DLAT: variants seen among roughly 807,000 people sequenced by gnomAD.
DLAT encodes the protein dihydrolipoyllysine-residue acetyltransferase component of pyruvate dehydrogenase complex, mitochondrial.
DLAT carries 43 observed loss-of-function variants against 68.0 expected under a neutral mutation model. The observed-to-expected ratio is 0.63, with a 90% CI of 0.50 to 0.81. The LOEUF (loss-of-function observed/expected upper bound fraction) is 0.81, where lower values mean the gene tolerates loss of function less well. Among genes scored for constraint, DLAT ranks in the 40% least tolerant of loss-of-function variants. The probability of loss-of-function intolerance (pLI) is 0.00; values close to 1 mark genes in which losing one functional copy is unlikely to be tolerated. For synonymous variants in DLAT, 265 were observed against 288.6 expected, an observed-to-expected ratio of 0.92 and a Z score of 0.83; for missense variants, 745 against 815.4, an observed-to-expected ratio of 0.91 and a Z score of 1.05.
intron 11 of DLAT, among the ~76,000 whole-genome samples, chr11:112,053,589 A>G (rs1348481238): frequency 6.6e-6 from 1 of 151,944 alleles, no homozygotes; most frequent in Admixed American, 6.6e-5. Context: ...AGTAGCTGGG[A>G]TTACAGGCAT....
At chr11:112,030,652 C>T (rs1862342940) in intron 4 of DLAT, among the ~76,000 whole-genome samples, 1 of 152,196 alleles carries the variant, frequency 6.6e-6, no homozygotes, top group South Asian at 2.1e-4. Flanking sequence ...ATTGTGCTAA[C>T]TAAATCAGTT....
intron 11 of DLAT, among the ~76,000 whole-genome samples, chr11:112,056,542 T>C (rs1172740514): frequency 2.6e-5 from 4 of 152,238 alleles, no homozygotes; most frequent in Non-Finnish European, 4.4e-5. Flanking sequence ...TATTGCTGTA[T>C]AGTGTTTAAT....
At chr11:112,027,990 G>C (rs1862169808) in intron 2 of DLAT, among the ~76,000 whole-genome samples, 1 of 151,694 alleles carries the variant, frequency 6.6e-6, no homozygotes, top group Admixed American at 6.6e-5. Context: ...AGTTCGAAGA[G>C]ACTGGCTTTG....
intron 4 of DLAT, 138 bp downstream of exon 4, chr11:112,029,083 T>G (rs1555179727): frequency 6.3e-6 from 6 of 954,948 alleles, no homozygotes; most frequent in Non-Finnish European, 8.1e-6. Flanking sequence ...GGTTTAAACA[T>G]GAAGATTGAC....
chr11:112,051,267 G>T lies in DLAT; in HGVS notation c.1432G>T (p.Asp478Tyr). The stretch of plus-strand genomic sequence containing the variant: ...AGGGAGAAGCAAAATTTCTGTCAAT[G>T]ACTTCATCATAAAAGCTTCAGCTTT... ...LEGRSKISVN[D>Y]FIIKASALAC... Residue 478 changes from aspartate to tyrosine, a missense_variant, in exon 11 of 14, where the codon GAC (aspartate) becomes TAC (tyrosine). Transcript: ENST00000280346. The surrounding 1 kb of genome is among the most constrained non-coding windows in gnomAD (Gnocchi z 4.3). The T allele has an allele frequency of 1.2e-6, 2 of 1,613,020 alleles. No individual in the cohort carries two copies. The highest frequency in any genetic ancestry group is 2.2e-5 in the South Asian group (2 of 91,020).
intron 7 of DLAT, among the ~76,000 whole-genome samples, chr11:112,041,098 G>A (rs1196773934): frequency 1.3e-5 from 2 of 152,176 alleles, no homozygotes; most frequent in African/African-American, 4.8e-5. Flanking sequence ...CAGAAAGGGA[G>A]TATAGCATAG....
At chr11:112,046,794 A>T (rs1249329653) in intron 10 of DLAT, among the ~76,000 whole-genome samples, 1 of 150,384 alleles carries the variant, frequency 6.6e-6, no homozygotes, top group Non-Finnish European at 1.5e-5. Flanking sequence ...AAGGACACAA[A>T]CTCATCCTTT....
At chr11:112,042,280 C>A (rs1367844958) in intron 7 of DLAT, among the ~76,000 whole-genome samples, 1 of 152,164 alleles carries the variant, frequency 6.6e-6, no homozygotes, top group Non-Finnish European at 1.5e-5. Flanking sequence ...TCAGGAAATT[C>A]TTGTGGGTGG....
intron 5 of DLAT, among the ~76,000 whole-genome samples, chr11:112,034,375 C>T (rs1170038296): frequency 6.6e-6 from 1 of 151,442 alleles, no homozygotes; most frequent in African/African-American, 2.4e-5. Flanking sequence ...GTCATATGTC[C>T]ACATATCTCC....
rs868942842 is a variant in DLAT at position 112,026,232 on chromosome 11, C to A, written c.314C>A (p.Ala105Glu). 6 of 1,612,234 alleles carry A rather than the reference C, an allele frequency of 3.7e-6. No homozygotes were observed. The South Asian group carries it at 4.4e-5, about 12-fold the overall frequency. The change falls in exon 2 of 14, where the codon GCA (alanine) becomes GAA (glutamate). Residue 105 changes from alanine to glutamate, a missense_variant. Ala to Glu is a moderately radical substitution (Grantham distance 107). Transcript: ENST00000280346. ...PLPSLSPTMQ[A>E]GTIARWEKKE... ...CCTTCTCTTTCCCCCACAATGCAGG[C>A]AGGCACCATAGCCCGTTGGGAAAAA...
At chr11:112,029,483 A>C (rs1425249246) in intron 4 of DLAT, among the ~76,000 whole-genome samples, 2 of 152,040 alleles carry the variant, frequency 1.3e-5, no homozygotes, top group Admixed American at 6.5e-5. Flanking sequence ...TGAGAGAGGG[A>C]ACAAGAGACA....
Position 112,033,460 on chromosome 11 carries a change from A to G in DLAT, c.717A>G (p.Glu239=), listed in dbSNP as rs1035542844. The G allele has an allele frequency of 6.2e-7, 1 of 1,613,974 alleles. No homozygotes were observed. The highest frequency in any genetic ancestry group is 1.7e-5 in the Admixed American group (1 of 59,990). The stretch of plus-strand genomic sequence containing the variant: ...CCATGGGCACAGTTCAGAGATGGGA[A>G]AAAAAAGTGGGTGAGAAGCTAAGTG... ...TMTMGTVQRW[E]KKVGEKLSEG... The change falls in exon 5 of 14, where the codon GAA becomes GAG. Residue 239 remains glutamate (E), a synonymous_variant. Coordinates refer to ENST00000280346, the MANE Select transcript of DLAT (RefSeq NM_001931.5).
At chr11:112,048,418 A>G (rs1318416968) in intron 10 of DLAT, among the ~76,000 whole-genome samples, 1 of 152,186 alleles carries the variant, frequency 6.6e-6, no homozygotes, top group Non-Finnish European at 1.5e-5. Context: ...CTACAAACAG[A>G]CAATTTGACT....
At chr11:112,035,690 T>C (rs1391423618) in intron 5 of DLAT, among the ~76,000 whole-genome samples, 1 of 151,834 alleles carries the variant, frequency 6.6e-6, no homozygotes, top group African/African-American at 2.4e-5. Context: ...GGTTTCACTA[T>C]GTGGGCCAGG....
chr11:112,054,154 C>CAA (rs1162304334), intron 11 of DLAT, among the ~76,000 whole-genome samples: 1 of 136,378 alleles, frequency 7.3e-6, no homozygotes, highest in Non-Finnish European at 1.6e-5. Flanking sequence ...GCTAAAAATA[C>CAA]AAAAAAAAAA....
chr11:112,053,601 C>A (rs1029096588), intron 11 of DLAT, among the ~76,000 whole-genome samples: 4 of 151,976 alleles, frequency 2.6e-5, no homozygotes, highest in African/African-American at 9.7e-5. Context: ...TACAGGCATG[C>A]GCCACCACTC....
At chr11:112,044,892 G>A (rs782042040) in intron 8 of DLAT, among the ~76,000 whole-genome samples, 1 of 152,026 alleles carries the variant, frequency 6.6e-6, no homozygotes, top group Non-Finnish European at 1.5e-5. Flanking sequence ...AAAATTAGCT[G>A]GGCATGTTGG....
At position 112,063,940 on chromosome 11, in the gene DLAT, G is replaced by C. The variant is rs1864793128; in HGVS notation, c.*1405G>C. 7.5e-6 allele frequency: 3 copies of C among 400,638 alleles called. No individual in the cohort carries two copies. The South Asian group carries it at 2.0e-4, about 27-fold the overall frequency. The allele number at this position is 400,638 out of a possible 1,614,324, so 24.8% of individuals were successfully genotyped here. On this transcript the variant is annotated 3_prime_UTR_variant, in exon 14 of 14. Transcript: ENST00000280346. ...TATGTGGAGTTAGCCCCTGAAATTTGCTTTAAGTGTTTCAGTGTTGAATCT... is the reference window on the plus strand; with the variant it reads ...TATGTGGAGTTAGCCCCTGAAATTTCCTTTAAGTGTTTCAGTGTTGAATCT...
chr11:112,037,998 A>C (rs1555180704), intron 6 of DLAT, among the ~76,000 whole-genome samples: 1 of 152,218 alleles, frequency 6.6e-6, no homozygotes, highest in East Asian at 1.9e-4. Flanking sequence ...TTATATCACC[A>C]AATACTTGAT....
Sources: allele counts gnomAD v4.1 joint callset (sites outside exome capture counted in the v4.1 genomes callset), GRCh38; gene constraint gnomAD v4.1.1; non-coding constraint Gnocchi (gnomAD v3.1); transcripts MANE v1.5; gene names NCBI Gene and HGNC (gene_info 2026-07-23, HGNC 2026-07-21).